The following GOT1 variants were observed in gnomAD, a reference collection of about 807,000 sequenced individuals.
GOT1 encodes aspartate aminotransferase, cytoplasmic.
A neutral mutation model predicts 48.2 loss-of-function variants in GOT1; 25 were observed. The observed-to-expected ratio is 0.52, with a 90% CI of 0.38 to 0.72. The LOEUF (loss-of-function observed/expected upper bound fraction) is 0.72, where lower values mean the gene tolerates loss of function less well. Among genes scored for constraint, GOT1 ranks in the 30% least tolerant of loss-of-function variants. The probability of loss-of-function intolerance (pLI) is 0.00; values close to 1 mark genes in which losing one functional copy is unlikely to be tolerated. For synonymous variants in GOT1, 188 were observed against 193.8 expected (o/e 0.97, Z 0.25); for missense variants, 380 against 520.1 (o/e 0.73, Z 2.62).
chr10:99,429,677 T>C (rs2033090105), intron 1 of GOT1, among the ~76,000 whole-genome samples: 1 of 152,184 alleles, frequency 6.6e-6, no homozygotes, highest in African/African-American at 2.4e-5. Flanking sequence ...GGCACTCCAA[T>C]ATAAATCTTC....
At chr10:99,398,904 G>A (rs1200477178) in intron 8 of GOT1, among the ~76,000 whole-genome samples, 3 of 152,236 alleles carry the variant, frequency 2.0e-5, no homozygotes, top group Admixed American at 6.5e-5. Context: ...TGCACAGCTG[G>A]TCAATGGTGG....
rs1013723466 is a variant in GOT1 at position 99,397,406 on chromosome 10, T to G, written c.*141A>C. 1.0e-5 allele frequency: 9 copies of G among 874,918 alleles called. No individual in the cohort carries two copies. Among genetic ancestry groups the G allele is most frequent in the African/African-American group, 1.7e-5 (1 of 60,110 alleles). The allele number at this position is 874,918 out of a possible 1,614,324, so 54.2% of individuals were successfully genotyped here. On this transcript the variant is annotated 3_prime_UTR_variant, in exon 9 of 9. Coordinates refer to ENST00000370508, the MANE Select transcript of GOT1 (RefSeq NM_002079.3). This position sits in a 1 kb window ranked among gnomAD's most constrained non-coding sequence, Gnocchi z 5.4. ...GATGTTCTCTTCATGTGGGGCCGGTTTAAACAGAGGCTGCCTCACCAGAGC... is the reference window on the plus strand; with the variant it reads ...GATGTTCTCTTCATGTGGGGCCGGTGTAAACAGAGGCTGCCTCACCAGAGC...
intron 1 of GOT1, 57 bp downstream of exon 1, chr10:99,430,391 G>C (rs1174691483): frequency 1.2e-6 from 2 of 1,604,964 alleles, no homozygotes; most frequent in Non-Finnish European, 1.7e-6. Context: ...TCCACGACCT[G>C]GGTTGGGTCC....
chr10:99,411,833 G>T (rs1049656763), intron 2 of GOT1, among the ~76,000 whole-genome samples: 4 of 152,192 alleles, frequency 2.6e-5, no homozygotes, highest in African/African-American at 7.2e-5. Context: ...ACCCGGATAG[G>T]AGCCAAATGC....
In GOT1 at chr10:99,420,867, G is replaced by A. The variant is rs2032957125; in HGVS notation, c.119-62C>T. The stretch of plus-strand genomic sequence containing the variant: ...CATGCTGTGTCCAAGTTAAGAGTTT[G>A]TAACTGTGAACCAGGAGAATCCCAC... On this transcript the variant is annotated intron_variant, in intron 1 of 8. Transcript: ENST00000370508. 15 of 1,325,608 alleles carry A rather than the reference G, an allele frequency of 1.1e-5. No homozygotes were observed. In the East Asian group the frequency reaches 3.2e-4, roughly 29 times the overall value. 82.1% of individuals were successfully genotyped at this position (1,325,608 alleles called of 1,614,324 possible).
In GOT1 at chr10:99,406,872, A is replaced by G. The variant is rs772050423; in HGVS notation, c.301-23T>C. ...TACCTGAAAGAGAAGAAACAGGGTC[A>G]CAGGCTGATAATGGTGAGGTCAGAT... On this transcript the variant is annotated intron_variant, in intron 2 of 8. Coordinates refer to ENST00000370508, the MANE Select transcript of GOT1 (RefSeq NM_002079.3). 3.1e-6 allele frequency: 5 copies of G among 1,612,224 alleles called. No individual in the cohort carries two copies. In the East Asian group the frequency reaches 1.1e-4, roughly 36 times the overall value.
rs2032619610 is a variant in GOT1 at position 99,397,733 on chromosome 10, A to C, written c.1103-47T>G. 6.3e-7 allele frequency: 1 copy of C among 1,578,200 alleles called. No homozygotes were observed. ...CATAATCAGAGCAGAGGGGATCCTT[A>C]AAGCAGTGGAGGCTCAGCAATTATA... is the stretch of plus-strand genomic sequence containing the variant. On this transcript the variant is annotated intron_variant, in intron 8 of 8. Coordinates refer to ENST00000370508, the MANE Select transcript of GOT1 (RefSeq NM_002079.3). The surrounding 1 kb of genome is among the most constrained non-coding windows in gnomAD (Gnocchi z 5.4).
At chr10:99,400,265 G>A (rs1486903439) in intron 8 of GOT1, among the ~76,000 whole-genome samples, 1 of 152,226 alleles carries the variant, frequency 6.6e-6, no homozygotes, top group African/African-American at 2.4e-5. Flanking sequence ...AGATAACAAA[G>A]GAAGTATTGT....
At position 99,403,712 on chromosome 10, in the gene GOT1, G is replaced by T; in HGVS notation, c.793+12C>A. 6 of 1,614,134 alleles carry T rather than the reference G, an allele frequency of 3.7e-6. No homozygotes were observed. Among genetic ancestry groups the T allele is most frequent in the Non-Finnish European group, 5.1e-6 (6 of 1,179,976 alleles). ...AGGAGGTGGGGCTGTAACTCCTCAG[G>T]AGAGCACTCACTGTAGAGCCCGAAG... is the stretch of plus-strand genomic sequence containing the variant. On this transcript the variant is annotated intron_variant, in intron 6 of 8. Coordinates refer to ENST00000370508, the MANE Select transcript of GOT1 (RefSeq NM_002079.3).
intron 7 of GOT1, 129 bp downstream of exon 7, chr10:99,403,340 G>C: frequency 1.3e-6 from 1 of 754,470 alleles, no homozygotes; most frequent in East Asian, 2.5e-5. Flanking sequence ...ATATCTGAGA[G>C]TCAAAGAAGT....
At chr10:99,425,386 G>C (rs188062928) in intron 1 of GOT1, among the ~76,000 whole-genome samples, 2 of 152,308 alleles carry the variant, frequency 1.3e-5, no homozygotes, top group African/African-American at 2.4e-5. Flanking sequence ...TTAAGCAAGA[G>C]AGTAACATGA....
chr10:99,409,614 T>C (rs2032806464), intron 2 of GOT1, among the ~76,000 whole-genome samples: 1 of 152,110 alleles, frequency 6.6e-6, no homozygotes, highest in Non-Finnish European at 1.5e-5. Context: ...AGCAGTACAT[T>C]AAAATTACCC....
intron 1 of GOT1, 58 bp from the exon 2 acceptor site, chr10:99,420,863 G>A (rs2032957016): frequency 7.5e-6 from 10 of 1,333,776 alleles, no homozygotes; most frequent in South Asian, 1.3e-5. Context: ...CAAGTTAAGA[G>A]TTTGTAACTG....
At chr10:99,409,480 T>C (rs1386486561) in intron 2 of GOT1, among the ~76,000 whole-genome samples, 2 of 152,164 alleles carry the variant, frequency 1.3e-5, no homozygotes, top group African/African-American at 4.8e-5. Context: ...TTCCTAAATC[T>C]TTTCAAGAAC....
intron 4 of GOT1, 56 bp from the exon 5 acceptor site, chr10:99,405,916 A>G (rs1370125568): frequency 4.0e-6 from 4 of 1,006,426 alleles, no homozygotes; most frequent in Non-Finnish European, 6.4e-6. Flanking sequence ...TGGGAGACAG[A>G]GTCAGCAGCA....
chr10:99,405,203 T>C (rs2032738916), intron 5 of GOT1, among the ~76,000 whole-genome samples: 1 of 152,084 alleles, frequency 6.6e-6, no homozygotes, highest in Admixed American at 6.6e-5. Context: ...TACAAACTCG[T>C]TAAGGAAGAA....
intron 2 of GOT1, among the ~76,000 whole-genome samples, chr10:99,416,998 C>A (rs1350922700): frequency 1.3e-5 from 2 of 152,186 alleles, no homozygotes; most frequent in African/African-American, 4.8e-5. Context: ...CTAGGCAATA[C>A]TATTCAGGAC....
Position 99,403,630 on chromosome 10 carries a change from C to G in GOT1, c.798G>C (p.Glu266Asp). ...SFSKNFGLYN[E>D]RVGNLTVVGK... ...CAACCACAGTCAGATTCCCGACTCT[C>G]TCATCTAAAGAGAGGGACCAGAATC... The change falls in exon 7 of 9, where the codon GAG becomes GAC. Residue 266 changes from glutamate to aspartate, a missense_variant. Transcript: ENST00000370508. The G allele has an allele frequency of 3.1e-6, 5 of 1,614,100 alleles. No homozygotes were observed. The highest frequency in any genetic ancestry group is 3.4e-6 in the Non-Finnish European group (4 of 1,179,976).
At chr10:99,406,662 G>A in intron 3 of GOT1, 64 bp downstream of exon 3, 1 of 1,511,810 alleles carries the variant, frequency 6.6e-7, no homozygotes, top group East Asian at 2.3e-5. Context: ...TGTAACCAGG[G>A]AGAGTCATGA....
Sources: gnomAD v4.1 joint callset for allele counts (sites outside exome capture counted in the v4.1 genomes callset) on GRCh38, gnomAD v4.1.1 for gene constraint, Gnocchi (gnomAD v3.1) non-coding constraint, MANE v1.5 for transcripts, NCBI Gene and HGNC (gene_info 2026-07-23, HGNC 2026-07-21) for gene names.